The following MIS18BP1 variants were observed in gnomAD, a reference collection of about 807,000 sequenced individuals.
The protein encoded by MIS18BP1 is mis18-binding protein 1.
MIS18BP1 carries 72 observed loss-of-function variants against 116.1 expected under a neutral mutation model. The ratio of observed to expected loss-of-function variants is 0.62; its 90% CI spans 0.51 to 0.75. MIS18BP1 has a LOEUF of 0.75. MIS18BP1 is among the 30% of genes least tolerant of loss of function. The pLI is 0.00. For synonymous variants in MIS18BP1, 386 were observed against 427.0 expected (o/e 0.90, Z 1.18); for missense variants, 1,363 against 1,303.2 (o/e 1.05, Z -0.71).
rs754466908 is a variant in MIS18BP1, at chr14:45,227,774, T to G, written c.1635A>C (p.Thr545=). Residue 545 remains threonine (T), a synonymous_variant, in exon 9 of 17, where the codon ACA becomes ACC. Coordinates refer to ENST00000310806, the MANE Select transcript of MIS18BP1 (RefSeq NM_018353.5). ...SNKHSESPGA[T]ELNMCHSNCQ... Reference sequence around the variant, plus strand: ...AATTACTGTGGCACATGTTTAATTCTGTAGCTCCTGGTGACTCACTGTGCT... The same window carrying G: ...AATTACTGTGGCACATGTTTAATTCGGTAGCTCCTGGTGACTCACTGTGCT... 3.1e-6 allele frequency: 5 copies of G among 1,614,064 alleles called. No individual in the cohort carries two copies. Among genetic ancestry groups the G allele is most frequent in the Non-Finnish European group, 4.2e-6 (5 of 1,179,914 alleles).
chr14:45,247,685 G>C (rs571900764), intron 1 of MIS18BP1, among the ~76,000 whole-genome samples: 1 of 152,000 alleles, frequency 6.6e-6, no homozygotes, highest in South Asian at 2.1e-4. Flanking sequence ...GGGTGACAGA[G>C]CAAGACCTTG....
chr14:45,215,633 G>T (rs772169676), intron 13 of MIS18BP1, among the ~76,000 whole-genome samples: 1 of 151,108 alleles, frequency 6.6e-6, no homozygotes, highest in Non-Finnish European at 1.5e-5. Flanking sequence ...GAATGGTCTC[G>T]ATCTCCTGAC....
In MIS18BP1 at chr14:45,224,871, C is replaced by T; in HGVS notation, c.1841-125G>A. On this transcript the variant is annotated intron_variant, in intron 10 of 16. Transcript: ENST00000310806. ...TTTATCCACGAGCTACACTGTATACCCACCTGTCATATTAATCTTTCTGAA... is the reference window on the plus strand; with the variant it reads ...TTTATCCACGAGCTACACTGTATACTCACCTGTCATATTAATCTTTCTGAA... The T allele has an allele frequency of 4.3e-6, 3 of 698,446 alleles. No homozygotes were observed. The South Asian group carries it at 6.3e-5, about 15-fold the overall frequency. 43.3% of individuals were successfully genotyped at this position (698,446 alleles called of 1,614,324 possible).
intron 8 of MIS18BP1, among the ~76,000 whole-genome samples, chr14:45,229,519 A>T (rs1891218467): frequency 6.6e-6 from 1 of 151,780 alleles, no homozygotes; most frequent in African/African-American, 2.4e-5. Flanking sequence ...AAAAAAAAAA[A>T]TTGCTGAGTG....
At chr14:45,213,346 T>A (rs1198206044) in intron 13 of MIS18BP1, among the ~76,000 whole-genome samples, 1 of 152,148 alleles carries the variant, frequency 6.6e-6, no homozygotes, top group Non-Finnish European at 1.5e-5. Context: ...ACAAGAATGA[T>A]GGGGGTCTGC....
chr14:45,244,818 C>G (rs369944385), intron 2 of MIS18BP1, among the ~76,000 whole-genome samples: 2 of 152,140 alleles, frequency 1.3e-5, no homozygotes, highest in South Asian at 2.1e-4. Context: ...AAATAATAAT[C>G]CACCAACATC....
intron 5 of MIS18BP1, 129 bp from the exon 6 acceptor site, chr14:45,236,073 C>T: frequency 1.2e-6 from 1 of 836,212 alleles, no homozygotes; most frequent in Non-Finnish European, 1.8e-6. Context: ...TATTTGAAGG[C>T]CAAACATTAC....
intron 2 of MIS18BP1, 63 bp downstream of exon 2, chr14:45,246,680 A>T: frequency 6.9e-7 from 1 of 1,457,198 alleles, no homozygotes; most frequent in East Asian, 2.3e-5. Flanking sequence ...AGCACCTAAA[A>T]CAGTGTCTGA....
intron 13 of MIS18BP1, among the ~76,000 whole-genome samples, chr14:45,215,613 A>G (rs551983820): frequency 6.6e-6 from 1 of 151,586 alleles, no homozygotes; most frequent in African/African-American, 2.4e-5. Context: ...GGGTTTCACC[A>G]TGTTGGCCAG....
At chr14:45,210,664 T>C in intron 13 of MIS18BP1, 136 bp from the exon 14 acceptor site, 3 of 958,096 alleles carry the variant, frequency 3.1e-6, no homozygotes, top group East Asian at 2.5e-5. Context: ...CAGTAGTACG[T>C]AGAGGAGTAG....
intron 6 of MIS18BP1, among the ~76,000 whole-genome samples, chr14:45,235,207 C>CA (rs201225566): frequency 0.078 from 7,470 of 95,446 alleles, 419 homozygotes; most frequent in African/African-American, 0.19. Context: ...ACTCCATCTC[C>CA]AAAAAAAAAA....
chr14:45,221,524 C>T (rs10149578), intron 11 of MIS18BP1, among the ~76,000 whole-genome samples: 31,998 of 152,040 alleles, frequency 0.21, 4,982 homozygotes, highest in African/African-American at 0.44. Flanking sequence ...ATTAGTTATA[C>T]GTATTAATAA....
intron 2 of MIS18BP1, among the ~76,000 whole-genome samples, chr14:45,243,405 A>C (rs975703989): frequency 6.6e-6 from 1 of 152,164 alleles, no homozygotes; most frequent in Non-Finnish European, 1.5e-5. Flanking sequence ...TCAAATGCTC[A>C]GAAGTTGTAG....
Position 45,242,159 on chromosome 14 carries a change from A to G in MIS18BP1, c.1018T>C (p.Cys340Arg). 6.2e-7 allele frequency: 1 copy of G among 1,614,082 alleles called. No homozygotes were observed. Among genetic ancestry groups the G allele is most frequent in the Non-Finnish European group, 8.5e-7 (1 of 1,180,002 alleles). Residue 340 changes from cysteine to arginine, a missense_variant, in exon 4 of 17, where the codon TGT becomes CGT. Cys to Arg is a radical substitution (Grantham distance 180). Coordinates refer to ENST00000310806, the MANE Select transcript of MIS18BP1 (RefSeq NM_018353.5). Reference sequence around the variant, plus strand: ...CTTGGTGTTGCAAGTACAATTTTACATGTATCTTTCATGGAACCTGGAAGA... The same window carrying G: ...CTTGGTGTTGCAAGTACAATTTTACGTGTATCTTTCATGGAACCTGGAAGA... ...TGLPGSMKDT[C>R]KIVLATPRLH...
At chr14:45,232,433 AAAAAAC>A in intron 7 of MIS18BP1, 1 of 241,720 alleles carries the variant, frequency 4.1e-6, no homozygotes. Context: ...AAAAAAAAAA[AAAAAAC>A]AACAACAAAA....
chr14:45,207,054 C>T (rs1468601961), intron 14 of MIS18BP1, among the ~76,000 whole-genome samples: 2 of 152,104 alleles, frequency 1.3e-5, no homozygotes, highest in African/African-American at 2.4e-5. Flanking sequence ...TTTCCTTTAC[C>T]TTATCTCTTC....
intron 1 of MIS18BP1, among the ~76,000 whole-genome samples, chr14:45,248,518 C>T (rs190231196): frequency 6.6e-6 from 1 of 152,186 alleles, no homozygotes; most frequent in Admixed American, 6.5e-5. Context: ...AGATTTACAG[C>T]ATCTCTTATA....
chr14:45,233,030 A>G (rs770228047), intron 6 of MIS18BP1, among the ~76,000 whole-genome samples: 75 of 152,202 alleles, frequency 4.9e-4, no homozygotes, highest in Admixed American at 1.3e-4. Flanking sequence ...AAAAGTAGCT[A>G]ACCAATAAGT....
intron 13 of MIS18BP1, among the ~76,000 whole-genome samples, chr14:45,214,293 C>A (rs535733375): frequency 1.3e-5 from 2 of 152,160 alleles, no homozygotes; most frequent in East Asian, 1.9e-4. Context: ...AGGAGAAAAC[C>A]GCCTTAAGGC....
Sources: gnomAD v4.1 joint callset for allele counts (sites outside exome capture counted in the v4.1 genomes callset) on GRCh38, gnomAD v4.1.1 for gene constraint, MANE v1.5 for transcripts, NCBI Gene and HGNC (gene_info 2026-07-23, HGNC 2026-07-21) for gene names.